The following VAMP1 variants were observed in gnomAD, a reference collection of about 807,000 sequenced individuals.
The protein encoded by VAMP1 is vesicle associated membrane protein 1, also known as vesicle-associated membrane protein 1.
VAMP1 carries 16 observed loss-of-function variants against 19.1 expected under a neutral mutation model. The observed-to-expected ratio is 0.84, with a 90% CI of 0.57 to 1.27. The LOEUF (loss-of-function observed/expected upper bound fraction) is 1.27, where lower values mean the gene tolerates loss of function less well. Ranked by LOEUF, VAMP1 falls within the 50% of genes most tolerant of loss-of-function variation. The pLI is 0.00. For missense variants in VAMP1, 109 were observed against 145.4 expected (o/e 0.75, Z 1.29); for synonymous variants, 37 against 50.2 (o/e 0.74, Z 1.11).
chr12:6,465,775 G>A (rs1161659479), intron 3 of VAMP1, 67 bp downstream of exon 3: 5 of 1,583,610 alleles, frequency 3.2e-6, no homozygotes, highest in Non-Finnish European at 4.3e-6. Context: ...TGTAGAAGCT[G>A]AGGGTTTTCT....
intron 1 of VAMP1, chr12:6,466,559 C>T: frequency 2.1e-6 from 1 of 474,522 alleles, no homozygotes; most frequent in Non-Finnish European, 3.7e-6. Context: ...GCATCCTCAC[C>T]CCAAACCACT....
chr12:6,466,341 C>G lies in VAMP1; in HGVS notation c.13G>C (p.Ala5Pro). The G allele has an allele frequency of 6.2e-7, 1 of 1,613,616 alleles. No individual in the cohort carries two copies. Among genetic ancestry groups the G allele is most frequent in the South Asian group, 1.1e-5 (1 of 91,002 alleles). Residue 5 changes from alanine to proline, a missense_variant, in exon 2 of 5, where the codon GCT becomes CCT. By Grantham distance (27) the Ala-to-Pro change is conservative. Transcript: ENST00000396308. Reference sequence around the variant, plus strand: ...TCTGTCCCTTCAGCAGGTGGCTGAGCTGGAGCAGACCTGTGGAAAGACATG... The same window carrying G: ...TCTGTCCCTTCAGCAGGTGGCTGAGGTGGAGCAGACCTGTGGAAAGACATG... Reference protein sequence around the residue: MSAPAQPPAEGTEGT... With the variant: MSAPPQPPAEGTEGT...
chr12:6,467,412 T>A (rs554411042), intron 1 of VAMP1, among the ~76,000 whole-genome samples: 2 of 152,244 alleles, frequency 1.3e-5, no homozygotes, highest in East Asian at 1.9e-4. Flanking sequence ...CAGATGGAGA[T>A]GAGGAACTTG....
rs371078063 is a variant in VAMP1 at position 6,468,597 on chromosome 12, GAC to G, written c.2+1931_2+1932del. On this transcript the variant is annotated intron_variant, in intron 1 of 4. Transcript: ENST00000396308. ...TTCTGTCCCTTCCTTTTCTGGATTT[GAC>G]AGTCTCAGATGACTCCCTTGGTTAC... 2.0e-3 allele frequency among the ~76,000 whole-genome samples: 304 copies of G among 152,326 alleles called. 1 individual carries two copies. Among genetic ancestry groups the G allele is most frequent in the African/African-American group, 7.0e-3 (291 of 41,570 alleles).
rs1251455477 is a variant in VAMP1, at chr12:6,464,100, C to T, written c.*370G>A. The stretch of plus-strand genomic sequence containing the variant: ...GGTTTTCTAGAAGTCACCATGGGCA[C>T]CGATACTCTTCTCCTCCCAAGTCTG... On this transcript the variant is annotated 3_prime_UTR_variant, in exon 5 of 5. Transcript: ENST00000396308. The T allele has an allele frequency of 7.6e-7, 1 of 1,316,400 alleles. No individual in the cohort carries two copies. Among genetic ancestry groups the T allele is most frequent in the Non-Finnish European group, 9.9e-7 (1 of 1,006,534 alleles). The allele number at this position is 1,316,400 out of a possible 1,614,324, so 81.5% of individuals were successfully genotyped here. A position where few individuals can be genotyped will look rare whatever the true frequency, so the allele number is the denominator to read the frequency against.
rs1041466133 is a variant in VAMP1 at position 6,470,638 on chromosome 12, G to A, written c.-107C>T. The A allele has an allele frequency of 6.6e-5, 98 of 1,478,626 alleles. No individual in the cohort carries two copies. The highest frequency in any genetic ancestry group is 8.9e-5 in the Non-Finnish European group (95 of 1,069,460). 91.6% of individuals were successfully genotyped at this position (1,478,626 alleles called of 1,614,324 possible). On this transcript the variant is annotated 5_prime_UTR_variant, in exon 1 of 5. Coordinates refer to ENST00000396308, the MANE Select transcript of VAMP1 (RefSeq NM_014231.5). ...GGACGGAACTGCCAAGCTCCGCCTC[G>A]CGCCGACTACCCCGCGGTCTAGCTG...
intron 1 of VAMP1, among the ~76,000 whole-genome samples, 156 bp downstream of exon 1, chr12:6,470,374 C>T (rs1280187641): frequency 6.6e-6 from 1 of 152,050 alleles, no homozygotes; most frequent in East Asian, 1.9e-4. Context: ...GCTGGCCCCC[C>T]TCCCTGGGGG....
In VAMP1 at chr12:6,464,102, G is replaced by A. The variant is rs575543466; in HGVS notation, c.*368C>T. On this transcript the variant is annotated 3_prime_UTR_variant, in exon 5 of 5. Coordinates refer to ENST00000396308, the MANE Select transcript of VAMP1 (RefSeq NM_014231.5). ...TTTTCTAGAAGTCACCATGGGCACC[G>A]ATACTCTTCTCCTCCCAAGTCTGGG... The A allele has an allele frequency of 1.7e-5, 23 of 1,319,592 alleles. No homozygotes were observed. The highest frequency in any genetic ancestry group is 4.5e-5 in the Admixed American group (2 of 44,290). 81.7% of individuals were successfully genotyped at this position (1,319,592 alleles called of 1,614,324 possible).
chr12:6,466,150 G>T, intron 2 of VAMP1, 75 bp downstream of exon 2: 1 of 1,612,316 alleles, frequency 6.2e-7, no homozygotes, highest in East Asian at 2.2e-5. Context: ...GAAAAAAGGA[G>T]AAAAGATAAG....
rs1949901557 is a variant in VAMP1, at chr12:6,462,502, A to G, written c.*1968T>C. On this transcript the variant is annotated 3_prime_UTR_variant, in exon 5 of 5. Transcript: ENST00000396308. ...GGTTTTGTTGCACATTTGCTCATGC[A>G]CATGGGTGGTGGGAGGAAAGGGGGA... 2.0e-6 allele frequency: 1 copy of G among 499,770 alleles called. No individual in the cohort carries two copies. Among genetic ancestry groups the G allele is most frequent in the East Asian group, 3.2e-5 (1 of 31,150 alleles). The allele number at this position is 499,770 out of a possible 1,614,324, so 31.0% of individuals were successfully genotyped here.
intron 3 of VAMP1, chr12:6,465,295 T>C (rs1218739615): frequency 7.8e-6 from 3 of 386,288 alleles, no homozygotes; most frequent in Non-Finnish European, 1.5e-5. Flanking sequence ...TTCTCAAAAG[T>C]TGCAGTTATT....
At chr12:6,465,693 G>C (rs569818755) in intron 3 of VAMP1, 149 bp downstream of exon 3, 1 of 1,137,640 alleles carries the variant, frequency 8.8e-7, no homozygotes. Context: ...GCAATCTCAA[G>C]AGGAGGCTTT....
Position 6,470,579 on chromosome 12 carries a change from C to G in VAMP1, c.-48G>C. On this transcript the variant is annotated 5_prime_UTR_variant, in exon 1 of 5. Coordinates refer to ENST00000396308, the MANE Select transcript of VAMP1 (RefSeq NM_014231.5). Reference sequence around the variant, plus strand: ...GTCTGTTCCTCTCCGGAGGCTGCGGCGAGACACCCGGTGAGGGACGCTGCG... The same window carrying G: ...GTCTGTTCCTCTCCGGAGGCTGCGGGGAGACACCCGGTGAGGGACGCTGCG... The G allele has an allele frequency of 6.2e-7, 1 of 1,613,188 alleles. No individual in the cohort carries two copies. The highest frequency in any genetic ancestry group is 8.5e-7 in the Non-Finnish European group (1 of 1,179,380).
Position 6,466,210 on chromosome 12 carries a change from C to T in VAMP1, c.129+15G>A. On this transcript the variant is annotated intron_variant, in intron 2 of 4. Transcript: ENST00000396308. ...CTAGATTTGGAAACTTTCAGAGAAA[C>T]AGCTATCTACCTACCTCCTCCACTT... The T allele has an allele frequency of 6.2e-7, 1 of 1,614,116 alleles. No homozygotes were observed. The highest frequency in any genetic ancestry group is 8.5e-7 in the Non-Finnish European group (1 of 1,180,028).
chr12:6,464,136 T>C lies in VAMP1; in HGVS notation c.*334A>G. The C allele has an allele frequency of 7.3e-7, 1 of 1,372,750 alleles. No individual in the cohort carries two copies. The highest frequency in any genetic ancestry group is 9.6e-7 in the Non-Finnish European group (1 of 1,042,562). 85.0% of individuals were successfully genotyped at this position (1,372,750 alleles called of 1,614,324 possible). A position where few individuals can be genotyped will look rare whatever the true frequency, so the allele number is the denominator to read the frequency against. Reference sequence around the variant, plus strand: ...CTCCTCCCAAGTCTGGGCAGCTTCATGGGTACTTCGCCTCAGCCACTCCCC... The same window carrying C: ...CTCCTCCCAAGTCTGGGCAGCTTCACGGGTACTTCGCCTCAGCCACTCCCC... On this transcript the variant is annotated 3_prime_UTR_variant, in exon 5 of 5. Transcript: ENST00000396308.
rs367929189 is a variant in VAMP1 at position 6,467,397 on chromosome 12, G to A, written c.3-1046C>T. On this transcript the variant is annotated intron_variant, in intron 1 of 4. Transcript: ENST00000396308. ...TGAACAATAAGGTCCAGGCTGAGGT[G>A]GTCTCAGATGGAGATGAGGAACTTG... Among the ~76,000 whole-genome samples, 196 of 152,244 alleles carry A rather than the reference G, an allele frequency of 1.3e-3. 1 individual carries two copies. The highest frequency in any genetic ancestry group is 4.2e-3 in the African/African-American group (173 of 41,530).
chr12:6,465,430 ATGTATATATATGTATATATACATATG>A (rs1565526332), intron 3 of VAMP1: 7 of 122,014 alleles, frequency 5.7e-5, no homozygotes, highest in African/African-American at 2.2e-4. Context: ...ATATATATAA[ATGTATATATATGTATATATACATATG>A]TGTATATATA....
chr12:6,462,437 G>T lies in VAMP1; in HGVS notation c.*2033C>A. 2.0e-6 allele frequency: 1 copy of T among 491,214 alleles called. No homozygotes were observed. Among genetic ancestry groups the T allele is most frequent in the Non-Finnish European group, 3.6e-6 (1 of 276,028 alleles). The allele number at this position is 491,214 out of a possible 1,614,324, so 30.4% of individuals were successfully genotyped here. Reference sequence around the variant, plus strand: ...CGTCTCATGGCAAACCGAAGAACGGGATGTGGGAAGCTCAGCTTCATTTGA... The same window carrying T: ...CGTCTCATGGCAAACCGAAGAACGGTATGTGGGAAGCTCAGCTTCATTTGA... On this transcript the variant is annotated 3_prime_UTR_variant, in exon 5 of 5. Transcript: ENST00000396308.
At chr12:6,465,189 C>A in intron 3 of VAMP1, 1 of 520,668 alleles carries the variant, frequency 1.9e-6, no homozygotes, top group Non-Finnish European at 3.4e-6. Context: ...TGCTTAGTTC[C>A]TGGTGTCTTG....
Sources: gnomAD v4.1 joint callset for allele counts (sites outside exome capture counted in the v4.1 genomes callset) on GRCh38, gnomAD v4.1.1 for gene constraint, MANE v1.5 for transcripts, NCBI Gene and HGNC (gene_info 2026-07-23, HGNC 2026-07-21) for gene names.